ALK: variants seen among roughly 807,000 people sequenced by gnomAD.
ALK encodes the protein ALK receptor tyrosine kinase.
A neutral mutation model predicts 163.1 loss-of-function variants in ALK; 74 were observed. The observed-to-expected ratio is 0.45, with a 90% CI of 0.38 to 0.55. ALK has a LOEUF of 0.55. ALK is among the 20% of genes least tolerant of loss of function. The probability of loss-of-function intolerance (pLI) is 0.00; values close to 1 mark genes in which losing one functional copy is unlikely to be tolerated. For synonymous variants in ALK, 960 were observed against 843.2 expected (o/e 1.14, Z -2.40); for missense variants, 2,063 against 2,105.3 (o/e 0.98, Z 0.39).
intron 4 of ALK, among the ~76,000 whole-genome samples, chr2:29,422,091 A>G (rs1463831229): frequency 6.6e-6 from 1 of 151,444 alleles, no homozygotes; most frequent in African/African-American, 2.5e-5. Context: ...AGGGGAGGCA[A>G]AGGAATCAGA....
intron 4 of ALK, among the ~76,000 whole-genome samples, chr2:29,439,715 T>C (rs185784978): frequency 6.8e-6 from 1 of 146,104 alleles, no homozygotes; most frequent in East Asian, 2.0e-4. Flanking sequence ...GGATGGGAGA[T>C]ACGTGCAGAG....
chr2:29,717,752 G>T, intron 1 of ALK, 55 bp from the exon 2 acceptor site: 1 of 1,612,226 alleles, frequency 6.2e-7, no homozygotes, highest in East Asian at 2.2e-5. Context: ...GTGTCTTTTA[G>T]CTGTCACTCA....
intron 3 of ALK, among the ~76,000 whole-genome samples, chr2:29,631,957 T>C (rs1676389358): frequency 6.6e-6 from 1 of 152,236 alleles, no homozygotes; most frequent in Non-Finnish European, 1.5e-5. Context: ...ATTCGATCAT[T>C]GTAACTCTTG....
intron 5 of ALK, among the ~76,000 whole-genome samples, chr2:29,377,400 A>T (rs751221170): frequency 5.4e-4 from 80 of 148,172 alleles, no homozygotes; most frequent in Non-Finnish European, 9.5e-4. Flanking sequence ...CCTTGAACCC[A>T]GGAGGTGGAG....
chr2:29,690,801 T>C (rs1017168582), intron 3 of ALK, among the ~76,000 whole-genome samples: 3 of 152,254 alleles, frequency 2.0e-5, no homozygotes, highest in Middle Eastern at 3.2e-3. Context: ...TGCCTTTTTC[T>C]GGTCCTTCTA....
At position 29,813,689 on chromosome 2, in the gene ALK, C is replaced by T. The variant is rs150099689; in HGVS notation, c.668-95992G>A. ...ACTGTAGTAATATCAGCTTGTAACC[C>T]GGACCCGATGCTGAACTCTACAGCA... On this transcript the variant is annotated intron_variant, in intron 1 of 28. Transcript: ENST00000389048. 3.4e-3 allele frequency among the ~76,000 whole-genome samples: 520 copies of T among 152,256 alleles called. 2 individuals are homozygous for T. Among genetic ancestry groups the T allele is most frequent in the African/African-American group, 0.012 (493 of 41,562 alleles).
intron 1 of ALK, among the ~76,000 whole-genome samples, chr2:29,778,951 C>G (rs1042624395): frequency 1.3e-5 from 2 of 151,774 alleles, no homozygotes; most frequent in Admixed American, 6.6e-5. Flanking sequence ...GTCAGGAGAT[C>G]GAGACCATCC....
At chr2:29,254,821 T>A (rs1664912081) in intron 11 of ALK, among the ~76,000 whole-genome samples, 1 of 152,210 alleles carries the variant, frequency 6.6e-6, no homozygotes, top group Admixed American at 6.5e-5. Context: ...ATCTCAAAAT[T>A]TATGTCCTCC....
chr2:29,303,983 G>A (rs2148236890), intron 8 of ALK, among the ~76,000 whole-genome samples: 1 of 152,264 alleles, frequency 6.6e-6, no homozygotes, highest in South Asian at 2.1e-4. Context: ...CCAGCATTAT[G>A]CTATTGCATA....
chr2:29,365,887 A>C (rs1668492709), intron 5 of ALK, among the ~76,000 whole-genome samples: 2 of 152,200 alleles, frequency 1.3e-5, no homozygotes, highest in African/African-American at 4.8e-5. Flanking sequence ...CAATGAGCTC[A>C]TTATTATGAC....
At chr2:29,877,699 G>A (rs1666759163) in intron 1 of ALK, among the ~76,000 whole-genome samples, 1 of 152,114 alleles carries the variant, frequency 6.6e-6, no homozygotes, top group South Asian at 2.1e-4. Flanking sequence ...CATATCATGG[G>A]TGACGACCCC....
chr2:29,511,397 T>C (rs1424050297), intron 4 of ALK, among the ~76,000 whole-genome samples: 1 of 152,202 alleles, frequency 6.6e-6, no homozygotes, highest in African/African-American at 2.4e-5. Context: ...ACAAACTATG[T>C]GGTCTTTGTG....
chr2:29,238,089 C>A (rs1043500344), intron 13 of ALK, among the ~76,000 whole-genome samples: 3 of 152,180 alleles, frequency 2.0e-5, no homozygotes, highest in Non-Finnish European at 2.9e-5. Flanking sequence ...CCATTTCCAG[C>A]ACAGGAGCTC....
Position 29,543,548 on chromosome 2 carries a change from A to G in ALK, c.953-11432T>C, listed in dbSNP as rs927888354. 6.6e-5 allele frequency among the ~76,000 whole-genome samples: 10 copies of G among 152,334 alleles called. No homozygotes were observed. In the South Asian group the frequency reaches 1.0e-3, roughly 16 times the overall value. ...GTTTTAGAGGCTTTTTCCTAGCCCT[A>G]TGGTTAAGCATCCTGCTACCCTCTG... is the stretch of plus-strand genomic sequence containing the variant. On this transcript the variant is annotated intron_variant, in intron 3 of 28. Transcript: ENST00000389048.
chr2:29,528,486 C>A (rs538535518), intron 4 of ALK, among the ~76,000 whole-genome samples: 1 of 152,164 alleles, frequency 6.6e-6, no homozygotes, highest in Admixed American at 6.5e-5. Context: ...CTTAATAATA[C>A]GAGCCTCAAT....
rs529315715 is a variant in ALK, at chr2:29,792,330, G to A, written c.668-74633C>T. 9.9e-5 allele frequency among the ~76,000 whole-genome samples: 15 copies of A among 152,202 alleles called. 1 individual carries two copies. Among genetic ancestry groups the A allele is most frequent in the African/African-American group, 3.4e-4 (14 of 41,522 alleles). On this transcript the variant is annotated intron_variant, in intron 1 of 28. Transcript: ENST00000389048. ...CAGAAACAGACTCAGGTCTGTATAA[G>A]AATTTAATATGTAATAAATGGGACA...
chr2:29,675,304 T>C (rs1350678297), intron 3 of ALK, among the ~76,000 whole-genome samples: 1 of 152,088 alleles, frequency 6.6e-6, no homozygotes, highest in East Asian at 1.9e-4. Context: ...CAGTTCACTG[T>C]TGATGCACAT....
chr2:29,531,846 C>G, intron 4 of ALK, 69 bp downstream of exon 4: 5 of 1,518,606 alleles, frequency 3.3e-6, no homozygotes, highest in Non-Finnish European at 3.7e-6. Flanking sequence ...GTCACAGACT[C>G]TGGAAATGTG....
intron 1 of ALK, among the ~76,000 whole-genome samples, chr2:29,833,255 C>G (rs1030968909): frequency 6.6e-6 from 1 of 152,232 alleles, no homozygotes; most frequent in African/African-American, 2.4e-5. Context: ...ATCCCTGTGT[C>G]TCTATTTTCC....
Sources: gnomAD v4.1 joint callset for allele counts (sites outside exome capture counted in the v4.1 genomes callset) on GRCh38, gnomAD v4.1.1 for gene constraint, MANE v1.5 for transcripts, NCBI Gene and HGNC (gene_info 2026-07-23, HGNC 2026-07-21) for gene names.